The following TMT1B variants were observed in gnomAD, a reference collection of about 807,000 sequenced individuals.
The protein encoded by TMT1B is thiol methyltransferase 1B, also known as thiol S-methyltransferase TMT1B.
At chr12:55,683,920 C>G in the TMT1B span, 1 of 1,614,136 alleles carries the variant, frequency 6.2e-7, no homozygotes, top group Non-Finnish European at 8.5e-7. Flanking sequence ...GGGATGGCTG[C>G]TGCCTCACCA....
At chr12:55,682,418 G>A in the TMT1B span, among the ~76,000 whole-genome samples, 1 of 152,028 alleles carries the variant, frequency 6.6e-6, no homozygotes, top group Admixed American at 6.6e-5. Context: ...GCCATGACGG[G>A]GCACAATTGG....
chr12:55,684,070 A>G, the TMT1B span: 1 of 1,607,956 alleles, frequency 6.2e-7, no homozygotes. Context: ...GCTCCAAGGC[A>G]CTCATTTGCT....
chr12:55,682,268 A>T, the TMT1B span: 2 of 1,598,676 alleles, frequency 1.3e-6, no homozygotes, highest in Non-Finnish European at 1.7e-6. Flanking sequence ...CAGGGTGGGA[A>T]GGGGATGGGT....
chr12:55,683,436 A>C, the TMT1B span, among the ~76,000 whole-genome samples: 4 of 152,140 alleles, frequency 2.6e-5, no homozygotes, highest in Non-Finnish European at 5.9e-5. Flanking sequence ...TGGAGGTTGC[A>C]GTGCGCCGAG....
the TMT1B span, chr12:55,681,775 C>G: frequency 6.4e-7 from 1 of 1,551,230 alleles, no homozygotes; most frequent in African/African-American, 1.4e-5. Context: ...TGGTCCCACT[C>G]CTGCAGCTGC....
At chr12:55,682,661 C>T in the TMT1B span, among the ~76,000 whole-genome samples, 1 of 151,110 alleles carries the variant, frequency 6.6e-6, no homozygotes, top group African/African-American at 2.4e-5. Flanking sequence ...TGGCACATGC[C>T]TATAGTCCTA....
At chr12:55,681,921 G>A in the TMT1B span, 3 of 1,613,966 alleles carry the variant, frequency 1.9e-6, no homozygotes, top group Admixed American at 1.7e-5. Context: ...AGCAAGAAAC[G>A]GGAGCTCTTC....
chr12:55,683,967 C>T, the TMT1B span: 1 of 1,614,070 alleles, frequency 6.2e-7, no homozygotes, highest in Non-Finnish European at 8.5e-7. Context: ...GCCCAGTTCT[C>T]CGAAATCCAA....
the TMT1B span, among the ~76,000 whole-genome samples, chr12:55,683,156 G>A: frequency 6.6e-6 from 1 of 152,198 alleles, no homozygotes; most frequent in East Asian, 1.9e-4. Context: ...AGCAGCTTGT[G>A]CATGCATCTG....
chr12:55,684,319 G>A, the TMT1B span: 2 of 424,954 alleles, frequency 4.7e-6, no homozygotes, highest in Non-Finnish European at 4.3e-6. Context: ...CAAGTTTCTG[G>A]ACTAGTCTCC....
At chr12:55,683,767 G>A in the TMT1B span, 167 of 1,574,894 alleles carry the variant, frequency 1.1e-4, no homozygotes, top group Non-Finnish European at 9.3e-5. Context: ...ATAGGGAGCA[G>A]GGTCAGAATG....
chr12:55,681,823 T>C, the TMT1B span: 2 of 1,559,584 alleles, frequency 1.3e-6, no homozygotes, highest in Non-Finnish European at 1.7e-6. Flanking sequence ...ACCTCATGGC[T>C]CTGCTGGGCT....
the TMT1B span, among the ~76,000 whole-genome samples, chr12:55,683,233 C>A: frequency 6.6e-6 from 1 of 152,046 alleles, no homozygotes; most frequent in Non-Finnish European, 1.5e-5. Context: ...AGGTGGCTCA[C>A]GCCTGTAATC....
At chr12:55,683,779 A>G in the TMT1B span, 1 of 1,601,618 alleles carries the variant, frequency 6.2e-7, no homozygotes, top group Non-Finnish European at 8.6e-7. Context: ...GTCAGAATGG[A>G]GCCAAGTGAC....
chr12:55,683,501 T>C, the TMT1B span, among the ~76,000 whole-genome samples: 1 of 151,546 alleles, frequency 6.6e-6, no homozygotes, highest in Non-Finnish European at 1.5e-5. Flanking sequence ...TCTCAAAAAA[T>C]AATAATAATA....
chr12:55,681,787 G>A, the TMT1B span: 6 of 1,552,058 alleles, frequency 3.9e-6, no homozygotes, highest in Non-Finnish European at 5.2e-6. Flanking sequence ...TGCAGCTGCT[G>A]GTGCTGCTTC....
the TMT1B span, chr12:55,684,067 G>C: frequency 6.2e-7 from 1 of 1,610,218 alleles, no homozygotes; most frequent in South Asian, 1.1e-5. Flanking sequence ...CAAGCTCCAA[G>C]GCACTCATTT....
At chr12:55,683,781 C>A in the TMT1B span, 1 of 1,602,976 alleles carries the variant, frequency 6.2e-7, no homozygotes. Flanking sequence ...CAGAATGGAG[C>A]CAAGTGACAC....
At chr12:55,682,305 C>A in the TMT1B span, 1 of 1,563,434 alleles carries the variant, frequency 6.4e-7, no homozygotes. Flanking sequence ...CAGCATCAGC[C>A]GCCCCAGGGT....
Sources: gnomAD v4.1 joint callset for allele counts (sites outside exome capture counted in the v4.1 genomes callset) on GRCh38, gnomAD v4.1.1 for gene constraint, MANE v1.5 for transcripts, NCBI Gene and HGNC (gene_info 2026-07-23, HGNC 2026-07-21) for gene names.